STX18: variants seen among roughly 807,000 people sequenced by gnomAD.
STX18 encodes syntaxin 18.
Under a neutral mutation model 50.1 loss-of-function variants are expected in STX18, and 40 were observed. That is an observed-to-expected ratio of 0.80 (90% CI 0.62 to 1.04). The LOEUF (loss-of-function observed/expected upper bound fraction) is 1.04. STX18 is among the 50% of genes least tolerant of loss of function. STX18 has a pLI of 0.00. For missense variants in STX18, 410 were observed against 415.8 expected (o/e 0.99, Z 0.12); for synonymous variants, 158 against 151.8 (o/e 1.04, Z -0.30).
intron 1 of STX18, among the ~76,000 whole-genome samples, chr4:4,538,479 G>A (rs147567568): frequency 0.011 from 1,608 of 151,762 alleles, 21 homozygotes; most frequent in Middle Eastern, 0.058. Context: ...ACTAAATTAA[G>A]GAATGAAAGT....
intron 1 of STX18, among the ~76,000 whole-genome samples, chr4:4,525,965 C>T (rs991506418): frequency 6.6e-6 from 1 of 151,980 alleles, no homozygotes; most frequent in East Asian, 1.9e-4. Context: ...ATAGCAGGAG[C>T]CAAGGAAGGA....
At chr4:4,440,679 ACT>A (rs1417378552) in intron 5 of STX18, among the ~76,000 whole-genome samples, 1 of 152,190 alleles carries the variant, frequency 6.6e-6, no homozygotes, top group Non-Finnish European at 1.5e-5. Flanking sequence ...GATTGCAGAC[ACT>A]CTCTTCACAG....
At chr4:4,499,829 G>A (rs1368245286) in intron 1 of STX18, among the ~76,000 whole-genome samples, 1 of 151,728 alleles carries the variant, frequency 6.6e-6, no homozygotes, top group East Asian at 1.9e-4. Context: ...AAAAGAATGT[G>A]CGTTCAGTGG....
At chr4:4,428,940 G>T (rs771518673) in intron 7 of STX18, among the ~76,000 whole-genome samples, 2 of 152,194 alleles carry the variant, frequency 1.3e-5, no homozygotes, top group Non-Finnish European at 2.9e-5. Context: ...GGCCCTCCAT[G>T]CATGGTGGTT....
intron 1 of STX18, among the ~76,000 whole-genome samples, chr4:4,492,450 CACAGGATTCAA>C (rs1249764415): frequency 1.3e-5 from 2 of 151,982 alleles, no homozygotes; most frequent in Admixed American, 1.3e-4. Context: ...GAAAGTGAAA[CACAGGATTCAA>C]ACAGTGTTTG....
intron 1 of STX18, among the ~76,000 whole-genome samples, chr4:4,508,577 G>A (rs576254612): frequency 7.2e-5 from 11 of 152,172 alleles, no homozygotes; most frequent in South Asian, 4.2e-4. Context: ...AAGTTCTGGG[G>A]TACATGCGCA....
chr4:4,471,509 C>G, intron 2 of STX18, 130 bp downstream of exon 2: 1 of 579,616 alleles, frequency 1.7e-6, no homozygotes, highest in East Asian at 3.1e-5. Context: ...GATTTTTCCA[C>G]TGCCAAACTG....
intron 1 of STX18, among the ~76,000 whole-genome samples, chr4:4,496,404 A>G (rs767219362): frequency 6.6e-6 from 1 of 152,000 alleles, no homozygotes; most frequent in African/African-American, 2.4e-5. Context: ...ACTGCAGCCA[A>G]CCCGCCATCA....
chr4:4,472,774 A>G (rs990759007), intron 1 of STX18, among the ~76,000 whole-genome samples: 1 of 152,232 alleles, frequency 6.6e-6, no homozygotes, highest in African/African-American at 2.4e-5. Context: ...GGTGATCAAT[A>G]AACACTGTGG....
At chr4:4,455,756 G>C (rs1348326222) in intron 5 of STX18, among the ~76,000 whole-genome samples, 1 of 152,196 alleles carries the variant, frequency 6.6e-6, no homozygotes, top group South Asian at 2.1e-4. Context: ...AACACTTCAC[G>C]TGTTGTCATA....
At chr4:4,454,674 C>T (rs577131209) in intron 5 of STX18, among the ~76,000 whole-genome samples, 1 of 152,322 alleles carries the variant, frequency 6.6e-6, no homozygotes, top group East Asian at 1.9e-4. Flanking sequence ...CTAATTCACA[C>T]ACCCAGATAT....
chr4:4,427,730 A>C (rs2108775744), intron 7 of STX18, among the ~76,000 whole-genome samples: 1 of 152,342 alleles, frequency 6.6e-6, no homozygotes, highest in East Asian at 1.9e-4. Context: ...CTGTGGTATA[A>C]GGCACTTAGG....
intron 2 of STX18, among the ~76,000 whole-genome samples, chr4:4,470,026 A>T (rs572325529): frequency 6.6e-6 from 1 of 152,260 alleles, no homozygotes; most frequent in East Asian, 1.9e-4. Flanking sequence ...CTATGACCTA[A>T]TGTACTATAC....
At chr4:4,459,961 T>G (rs187069829) in intron 2 of STX18, among the ~76,000 whole-genome samples, 3 of 152,318 alleles carry the variant, frequency 2.0e-5, no homozygotes, top group Non-Finnish European at 4.4e-5. Context: ...TTTCCCCAGA[T>G]AGCTGCATCA....
At chr4:4,527,175 A>G (rs1433745595) in intron 1 of STX18, among the ~76,000 whole-genome samples, 2 of 152,164 alleles carry the variant, frequency 1.3e-5, no homozygotes, top group African/African-American at 4.8e-5. Flanking sequence ...GTAACTCCAA[A>G]AGTTTCCAAT....
At chr4:4,502,194 T>A (rs1047949439) in intron 1 of STX18, among the ~76,000 whole-genome samples, 15 of 152,114 alleles carry the variant, frequency 9.9e-5, no homozygotes, top group African/African-American at 3.6e-4. Context: ...GGGAAACAAA[T>A]GACAGCACTT....
chr4:4,423,566 A>C lies in STX18; in HGVS notation c.783T>G (p.Val261=). The C allele has an allele frequency of 6.2e-7, 1 of 1,614,196 alleles. No homozygotes were observed. Among genetic ancestry groups the C allele is most frequent in the Non-Finnish European group, 8.5e-7 (1 of 1,180,030 alleles). ...ATATCTCTTGGAGTCTGGAAATCTCAACCACTCTCCCTTCGATTTGCCTTC... is the reference window on the plus strand; with the variant it reads ...ATATCTCTTGGAGTCTGGAAATCTCCACCACTCTCCCTTCGATTTGCCTTC... ...DEVRQIEGRV[V]EISRLQEIFT... Residue 261 remains valine (V), a synonymous_variant, in exon 9 of 11, where the codon GTT becomes GTG. Transcript: ENST00000306200.
At chr4:4,476,167 T>C (rs983935630) in intron 1 of STX18, 6 of 152,194 alleles carry the variant, frequency 3.9e-5, no homozygotes, top group Non-Finnish European at 8.8e-5. Context: ...AGAGTTTTCA[T>C]CAGTGAGCTA....
At chr4:4,424,943 G>A (rs902714745) in intron 8 of STX18, among the ~76,000 whole-genome samples, 3 of 152,146 alleles carry the variant, frequency 2.0e-5, no homozygotes, top group South Asian at 2.1e-4. Context: ...TGGGCCCCCC[G>A]CAGCAGTGGC....
Sources: gnomAD v4.1 joint callset for allele counts (sites outside exome capture counted in the v4.1 genomes callset) on GRCh38, gnomAD v4.1.1 for gene constraint, MANE v1.5 for transcripts, NCBI Gene and HGNC (gene_info 2026-07-23, HGNC 2026-07-21) for gene names.